The following CRADD variants were observed in gnomAD, a reference collection of about 807,000 sequenced individuals.
CRADD encodes CARD and death domain containing adaptor protein.
A neutral mutation model predicts 15.5 loss-of-function variants in CRADD; 9 were observed. The ratio of observed to expected loss-of-function variants is 0.58; its 90% CI spans 0.35 to 1.01. The LOEUF (loss-of-function observed/expected upper bound fraction) is 1.01. Among genes scored for constraint, CRADD ranks in the 50% least tolerant of loss-of-function variants. CRADD has a pLI of 0.02. For synonymous variants in CRADD, 118 were observed against 107.6 expected (o/e 1.10, Z -0.60); for missense variants, 227 against 250.3 (o/e 0.91, Z 0.63).
At position 93,867,405 on chromosome 12, in the gene CRADD, T is replaced by TATATA. The variant is rs1207739624; in HGVS notation, c.299-26645_299-26644insATATA. Among the ~76,000 whole-genome samples the TATATA allele has an allele frequency of 3.9e-3, 399 of 101,792 alleles. 33 individuals are homozygous for TATATA. The Middle Eastern group carries it at 0.057, about 14-fold the overall frequency. 66.8% of individuals were successfully genotyped at this position (101,792 alleles called of 152,430 possible). A position where few individuals can be genotyped will look rare whatever the true frequency, so the allele number is the denominator to read the frequency against. On this transcript the variant is annotated intron_variant, in intron 2 of 2. Coordinates refer to the CRADD transcript ENST00000548483. ...GTATTTGACATATATATATATATATTTTTTAAACTTGGAAGTCCAAGATCA... is the reference window on the plus strand; with the variant it reads ...GTATTTGACATATATATATATATATTATATATTTTAAACTTGGAAGTCCAAGATCA...
intron 2 of CRADD, among the ~76,000 whole-genome samples, chr12:93,731,875 G>A (rs1172266622): frequency 1.2e-4 from 18 of 152,212 alleles, no homozygotes; most frequent in African/African-American, 2.9e-4. Context: ...GGTGGCTCAC[G>A]CCTGTAATCC....
chr12:93,703,978 C>CTTTTTTTT (rs71071759), intron 2 of CRADD, among the ~76,000 whole-genome samples: 17 of 90,274 alleles, frequency 1.9e-4, no homozygotes, highest in East Asian at 3.6e-4. Context: ...TGGAGCCTTT[C>CTTTTTTTT]TTTTTTTTTT....
intron 2 of CRADD, among the ~76,000 whole-genome samples, chr12:93,789,167 G>A (rs939800048): frequency 6.6e-6 from 1 of 151,924 alleles, no homozygotes; most frequent in Non-Finnish European, 1.5e-5. Context: ...GAGTACCAGA[G>A]TTTTTCTGTG....
chr12:93,787,130 T>G (rs1165128390), intron 2 of CRADD, among the ~76,000 whole-genome samples: 2 of 32,286 alleles, frequency 6.2e-5, no homozygotes, highest in East Asian at 4.3e-3. Flanking sequence ...TGCTGAAGAT[T>G]TTTTTTTTTT....
At chr12:93,848,705 A>G (rs914314369) in intron 2 of CRADD, 3 of 152,004 alleles carry the variant, frequency 2.0e-5, no homozygotes, top group Non-Finnish European at 4.4e-5. Flanking sequence ...TCCTCCTCCT[A>G]GTGTTCAGGG....
At chr12:93,773,561 T>C (rs1400508749) in intron 2 of CRADD, among the ~76,000 whole-genome samples, 1 of 152,188 alleles carries the variant, frequency 6.6e-6, no homozygotes, top group Non-Finnish European at 1.5e-5. Flanking sequence ...AACAGACTAA[T>C]ACAGGTTATT....
At chr12:93,884,608 C>G (rs555055927) in intron 2 of CRADD, among the ~76,000 whole-genome samples, 7 of 152,282 alleles carry the variant, frequency 4.6e-5, no homozygotes, top group African/African-American at 1.7e-4. Flanking sequence ...AGCTGGGATT[C>G]AATCTGTGAG....
intron 2 of CRADD, among the ~76,000 whole-genome samples, chr12:93,760,520 G>T (rs1956941580): frequency 1.3e-5 from 2 of 152,180 alleles, no homozygotes; most frequent in Admixed American, 6.5e-5. Context: ...TAAGATGTCT[G>T]AGATGTTAGA....
chr12:93,738,146 T>C (rs1956609471), intron 2 of CRADD: 1 of 598,544 alleles, frequency 1.7e-6, no homozygotes, highest in African/African-American at 1.9e-5. Flanking sequence ...TTCTGCTGTT[T>C]CTTAGCTGTT....
intron 2 of CRADD, among the ~76,000 whole-genome samples, chr12:93,731,377 T>C (rs1406413526): frequency 1.3e-5 from 2 of 152,270 alleles, no homozygotes; most frequent in African/African-American, 4.8e-5. Flanking sequence ...ACTTTGCTTT[T>C]GTTAGGGAGT....
intron 2 of CRADD, among the ~76,000 whole-genome samples, chr12:93,681,231 A>C (rs1424819833): frequency 6.6e-6 from 1 of 152,254 alleles, no homozygotes; most frequent in Admixed American, 6.5e-5. Flanking sequence ...AGAAAGAATT[A>C]AGGCATTTTT....
intron 2 of CRADD, among the ~76,000 whole-genome samples, chr12:93,841,106 C>G (rs76092070): frequency 0.035 from 5,367 of 152,064 alleles, 128 homozygotes; most frequent in Admixed American, 0.075. Flanking sequence ...TGACTTTCCT[C>G]TTTGGTGGAT....
chr12:93,785,848 G>A lies in CRADD; in HGVS notation c.299-64122G>A, dbSNP rs186077701. On this transcript the variant is annotated intron_variant, in intron 2 of 2. Coordinates refer to ENST00000332896, the MANE Select transcript of CRADD (RefSeq NM_003805.5). ...TAGCTTGTGACCATGAACAAGTCAC[G>A]TGACCCTTTGGCCTTAAATTCACCA... Among the ~76,000 whole-genome samples the A allele has an allele frequency of 1.8e-3, 277 of 152,306 alleles. 1 individual carries two copies. Among genetic ancestry groups the A allele is most frequent in the Non-Finnish European group, 3.0e-3 (201 of 68,030 alleles).
In CRADD at chr12:93,730,566, G is replaced by A. The variant is rs190699763; in HGVS notation, c.298+51494G>A. On this transcript the variant is annotated intron_variant, in intron 2 of 2. Coordinates refer to ENST00000332896, the MANE Select transcript of CRADD (RefSeq NM_003805.5). ...GTCTGAAAGGACTAATTTGATAAGT[G>A]CTTATATGTAAACAGTGTTCATTTC... is the stretch of plus-strand genomic sequence containing the variant. Among the ~76,000 whole-genome samples, 352 of 152,232 alleles carry A rather than the reference G, an allele frequency of 2.3e-3. 2 individuals carry two copies. The highest frequency in any genetic ancestry group is 7.9e-3 in the African/African-American group (327 of 41,542).
At chr12:93,841,090 T>C (rs1565934796) in intron 2 of CRADD, among the ~76,000 whole-genome samples, 2 of 152,210 alleles carry the variant, frequency 1.3e-5, no homozygotes. Flanking sequence ...TCTATTAAGA[T>C]AATAATGACT....
intron 2 of CRADD, among the ~76,000 whole-genome samples, chr12:93,782,516 G>A (rs1284772944): frequency 6.6e-6 from 1 of 151,496 alleles, no homozygotes; most frequent in Non-Finnish European, 1.5e-5. Flanking sequence ...AAGACTTAAG[G>A]GTGGGAGATG....
intron 2 of CRADD, among the ~76,000 whole-genome samples, chr12:93,776,355 T>C (rs1046689693): frequency 5.3e-5 from 8 of 152,236 alleles, no homozygotes; most frequent in Non-Finnish European, 1.5e-5. Flanking sequence ...TGCAATGGAA[T>C]TTCTAGGTTG....
At chr12:93,869,115 T>C (rs929691894) in intron 2 of CRADD, among the ~76,000 whole-genome samples, 2 of 152,186 alleles carry the variant, frequency 1.3e-5, no homozygotes, top group African/African-American at 2.4e-5. Context: ...GATAAACATG[T>C]CTTGAATTCC....
At chr12:93,679,193 G>A (rs1955230684) in intron 2 of CRADD, 121 bp downstream of exon 2, 2 of 748,680 alleles carry the variant, frequency 2.7e-6, no homozygotes, top group Non-Finnish European at 4.3e-6. Context: ...CCAGGCTGGA[G>A]TGCAATGGTG....
Sources: allele counts gnomAD v4.1 joint callset (sites outside exome capture counted in the v4.1 genomes callset), GRCh38; gene constraint gnomAD v4.1.1; transcripts MANE v1.5; gene names NCBI Gene and HGNC (gene_info 2026-07-23, HGNC 2026-07-21).